Variants in DENND2A observed in about 807,000 individuals in gnomAD.
The protein encoded by DENND2A is DENN domain containing 2A, also known as DENN domain-containing protein 2A.
In DENND2A, 53 loss-of-function variants were observed where a neutral mutation model predicts 105.3. The observed-to-expected ratio is 0.50, with a 90% CI of 0.40 to 0.63. The LOEUF (loss-of-function observed/expected upper bound fraction) is 0.63. DENND2A is among the 30% of genes least tolerant of loss of function. The probability of loss-of-function intolerance (pLI) is 0.00; values close to 1 mark genes in which losing one functional copy is unlikely to be tolerated. For synonymous variants in DENND2A, 522 were observed against 508.4 expected (o/e 1.03, Z -0.36); for missense variants, 1,138 against 1,279.6 (o/e 0.89, Z 1.69).
intron 1 of DENND2A, among the ~76,000 whole-genome samples, chr7:140,608,042 T>C (rs1046383475): frequency 6.6e-6 from 1 of 152,152 alleles, no homozygotes; most frequent in African/African-American, 2.4e-5. Flanking sequence ...AAGTACAGCT[T>C]TTCCAAAAGG....
At chr7:140,541,537 G>C (rs900741042) in intron 14 of DENND2A, among the ~76,000 whole-genome samples, 2 of 152,162 alleles carry the variant, frequency 1.3e-5, no homozygotes, top group South Asian at 2.1e-4. Flanking sequence ...CACCTCTAGC[G>C]GATGGAGGGA....
chr7:140,573,465 G>A (rs944160608), intron 6 of DENND2A, among the ~76,000 whole-genome samples: 13 of 152,284 alleles, frequency 8.5e-5, no homozygotes, highest in Non-Finnish European at 1.6e-4. Flanking sequence ...AGCGGGTGTC[G>A]ACCGTCTCAG....
intron 1 of DENND2A, among the ~76,000 whole-genome samples, chr7:140,638,503 C>CGAG (rs1279762936): frequency 6.6e-6 from 1 of 152,222 alleles, no homozygotes; most frequent in African/African-American, 2.4e-5. Context: ...GTCTCCTCCT[C>CGAG]CTCCTCCAGG....
intron 1 of DENND2A, among the ~76,000 whole-genome samples, chr7:140,633,260 C>T (rs532642287): frequency 9.9e-5 from 15 of 152,184 alleles, no homozygotes; most frequent in Non-Finnish European, 2.1e-4. Context: ...CATCTCCTGA[C>T]CTCGTGATCC....
In DENND2A at chr7:140,567,227, C is replaced by T. The variant is rs376779332; in HGVS notation, c.1638G>A (p.Ala546=). 64 of 1,612,648 alleles carry T rather than the reference C, an allele frequency of 4.0e-5. No homozygotes were observed. Among genetic ancestry groups the T allele is most frequent in the African/African-American group, 1.5e-4 (11 of 74,704 alleles). The change falls in exon 9 of 20, where the codon GCG becomes GCA. Residue 546 remains alanine (A), a synonymous_variant. Transcript: ENST00000496613. ...CCCGGGCAAGTGATGGGTACCGAGG[C>T]GCCTGCTTCAGCCGGGACTTCACGT... ...LVNVKSRLKQ[A]PRYPSLAREL...
intron 14 of DENND2A, among the ~76,000 whole-genome samples, chr7:140,532,469 T>C (rs1022591147): frequency 6.6e-6 from 1 of 152,194 alleles, no homozygotes; most frequent in Non-Finnish European, 1.5e-5. Flanking sequence ...AAATGCAGTA[T>C]TTGTGTTTAA....
intron 16 of DENND2A, among the ~76,000 whole-genome samples, chr7:140,525,314 C>G (rs979213605): frequency 5.9e-5 from 9 of 152,004 alleles, no homozygotes; most frequent in Admixed American, 3.3e-4. Flanking sequence ...GCCACCATGC[C>G]TGGCTAATTT....
At chr7:140,607,770 C>T (rs1799744618) in intron 1 of DENND2A, among the ~76,000 whole-genome samples, 1 of 152,142 alleles carries the variant, frequency 6.6e-6, no homozygotes, top group African/African-American at 2.4e-5. Flanking sequence ...CCCTCCCCAC[C>T]ACCGCCACCA....
intron 1 of DENND2A, among the ~76,000 whole-genome samples, chr7:140,636,158 T>C (rs1193042686): frequency 6.6e-6 from 1 of 152,090 alleles, no homozygotes; most frequent in Admixed American, 6.6e-5. Context: ...TAGCCAGTGT[T>C]CAGGGCCAGG....
chr7:140,626,342 T>G (rs144374672), intron 1 of DENND2A, among the ~76,000 whole-genome samples: 148 of 152,334 alleles, frequency 9.7e-4, no homozygotes, highest in African/African-American at 3.3e-3. Flanking sequence ...ATTTTGTGGC[T>G]TCTTTTCCCT....
intron 1 of DENND2A, among the ~76,000 whole-genome samples, chr7:140,628,518 T>C (rs972823886): frequency 1.3e-5 from 2 of 151,842 alleles, no homozygotes; most frequent in African/African-American, 4.8e-5. Flanking sequence ...GAAATCCCCT[T>C]TGGCCTAAAA....
At chr7:140,603,487 A>G (rs1174274876) in intron 2 of DENND2A, among the ~76,000 whole-genome samples, 1 of 152,216 alleles carries the variant, frequency 6.6e-6, no homozygotes, top group Non-Finnish European at 1.5e-5. Context: ...CAATGATTGG[A>G]TGCATCTGAA....
intron 1 of DENND2A, among the ~76,000 whole-genome samples, chr7:140,624,149 T>G (rs1341031007): frequency 6.6e-6 from 1 of 152,202 alleles, no homozygotes; most frequent in Non-Finnish European, 1.5e-5. Context: ...TAGAGTCATC[T>G]GCCTTCAGGA....
At chr7:140,546,199 A>C (rs1796896367) in intron 13 of DENND2A, among the ~76,000 whole-genome samples, 2 of 152,022 alleles carry the variant, frequency 1.3e-5, no homozygotes, top group Non-Finnish European at 2.9e-5. Context: ...GCGGGTGGAT[A>C]ATGAGGTCAG....
chr7:140,559,578 GA>G lies in DENND2A; in HGVS notation c.1889+129del, dbSNP rs1234055446. ...GGAAGCTTTAAAAACACCCCTTGGGGAAAGCTCTAGGCCAGGCCCATCAGGA... is the reference window on the plus strand; with the variant it reads ...GGAAGCTTTAAAAACACCCCTTGGGGAAGCTCTAGGCCAGGCCCATCAGGA... On this transcript the variant is annotated intron_variant, in intron 10 of 19. Transcript: ENST00000496613. The surrounding 1 kb of genome is among the most constrained non-coding windows in gnomAD (Gnocchi z 4.1). 1 of 662,870 alleles carries G rather than the reference GA, an allele frequency of 1.5e-6. No individual in the cohort carries two copies. Among genetic ancestry groups the G allele is most frequent in the African/African-American group, 1.9e-5 (1 of 54,026 alleles). The allele number at this position is 662,870 out of a possible 1,614,324, so 41.1% of individuals were successfully genotyped here.
intron 6 of DENND2A, among the ~76,000 whole-genome samples, chr7:140,572,476 T>A (rs1798131471): frequency 6.6e-6 from 1 of 151,684 alleles, no homozygotes; most frequent in South Asian, 2.1e-4. Flanking sequence ...GCTCTCCAAG[T>A]TCCTGGCTGG....
intron 3 of DENND2A, among the ~76,000 whole-genome samples, chr7:140,597,847 C>T (rs1349724158): frequency 1.3e-5 from 2 of 152,048 alleles, no homozygotes; most frequent in East Asian, 3.9e-4. Flanking sequence ...TGGGAGTGCT[C>T]GGGGACCCGG....
chr7:140,543,285 A>ATTTTTTTTTTTTTT (rs36113743), intron 14 of DENND2A, among the ~76,000 whole-genome samples: 1 of 128,332 alleles, frequency 7.8e-6, no homozygotes. Flanking sequence ...TACCTGGCTA[A>ATTTTTTTTTTTTTT]TTTTTTTTTT....
intron 3 of DENND2A, among the ~76,000 whole-genome samples, chr7:140,596,713 G>C (rs1799299405): frequency 6.6e-6 from 1 of 152,156 alleles, no homozygotes; most frequent in African/African-American, 2.4e-5. Context: ...GCAGTTATTT[G>C]GTTTCATAAA....
Sources: allele counts gnomAD v4.1 joint callset (sites outside exome capture counted in the v4.1 genomes callset), GRCh38; gene constraint gnomAD v4.1.1; non-coding constraint Gnocchi (gnomAD v3.1); transcripts MANE v1.5; gene names NCBI Gene and HGNC (gene_info 2026-07-23, HGNC 2026-07-21).